The following LRRC69 variants were observed in gnomAD, a reference collection of about 807,000 sequenced individuals.
LRRC69 encodes the protein leucine rich repeat containing 69.
Under a neutral mutation model 37.8 loss-of-function variants are expected in LRRC69, and 42 were observed. The observed-to-expected ratio is 1.11, with a 90% confidence interval of 0.87 to 1.44. The LOEUF (loss-of-function observed/expected upper bound fraction) is 1.44. LRRC69 is among the 40% of genes most tolerant of loss of function. The pLI, the probability that LRRC69 is intolerant of heterozygous loss-of-function variation, is 0.00. For synonymous variants in LRRC69, 141 were observed against 143.1 expected (o/e 0.99, Z 0.11); for missense variants, 357 against 401.9 (o/e 0.89, Z 0.96).
chr8:91,147,802 A>G (rs1052939346), intron 5 of LRRC69, among the ~76,000 whole-genome samples: 1 of 151,632 alleles, frequency 6.6e-6, no homozygotes, highest in African/African-American at 2.4e-5. Context: ...GTACCTATCA[A>G]CCCATCACCT....
At chr8:91,165,181 C>A (rs1432385235) in intron 5 of LRRC69, among the ~76,000 whole-genome samples, 2 of 151,654 alleles carry the variant, frequency 1.3e-5, no homozygotes, top group Non-Finnish European at 2.9e-5. Flanking sequence ...TTCTCTGGCA[C>A]CATATCTTAG....
chr8:91,176,147 C>CTTTTTCT (rs1809225089), intron 5 of LRRC69, among the ~76,000 whole-genome samples: 1 of 70,444 alleles, frequency 1.4e-5, no homozygotes, highest in Admixed American at 1.5e-4. Context: ...TTTTTTTTTT[C>CTTTTTCT]TTTTTTTTGA....
At chr8:91,106,804 T>C (rs191539001) in intron 1 of LRRC69, among the ~76,000 whole-genome samples, 2 of 151,988 alleles carry the variant, frequency 1.3e-5, no homozygotes, top group African/African-American at 4.8e-5. Flanking sequence ...TATTTTTTTT[T>C]CTTTTAAGAG....
At chr8:91,124,447 G>T in intron 1 of LRRC69, 46 bp from the exon 2 acceptor site, 1 of 1,404,380 alleles carries the variant, frequency 7.1e-7, no homozygotes. Context: ...TTTTTCATTT[G>T]AAGTTGGATG....
At chr8:91,147,914 G>A (rs1442114089) in intron 5 of LRRC69, among the ~76,000 whole-genome samples, 1 of 151,588 alleles carries the variant, frequency 6.6e-6, no homozygotes, top group Non-Finnish European at 1.5e-5. Flanking sequence ...CTGTGTCCAT[G>A]TATTCTCATT....
exon 6 of LRRC69, chr8:91,189,553 G>A: frequency 3.9e-6 from 6 of 1,551,086 alleles, no homozygotes; most frequent in Non-Finnish European, 5.2e-6. Context: ...GAATTCTACT[G>A]TGAGGGAAAC....
intron 5 of LRRC69, among the ~76,000 whole-genome samples, chr8:91,176,134 A>ATATATATATATATATT: frequency 6.6e-5 from 5 of 75,702 alleles, no homozygotes; most frequent in African/African-American, 2.4e-4. Context: ...ATATATATAT[A>ATATATATATATATATT]TTTTTTTTTT....
chr8:91,130,850 TC>T (rs1252480393), intron 3 of LRRC69: 1 of 152,054 alleles, frequency 6.6e-6, no homozygotes, highest in Non-Finnish European at 1.5e-5. Context: ...AGGGTCTACT[TC>T]CTGGTTCTTA....
At chr8:91,112,624 A>C (rs1813427568) in intron 1 of LRRC69, among the ~76,000 whole-genome samples, 1 of 152,044 alleles carries the variant, frequency 6.6e-6, no homozygotes. Flanking sequence ...TCCCACAACT[A>C]ACATCATCAT....
At chr8:91,206,786 C>T (rs910911983) in intron 7 of LRRC69, 2 of 1,289,578 alleles carry the variant, frequency 1.6e-6, no homozygotes, top group African/African-American at 3.0e-5. Flanking sequence ...TGGAATACCT[C>T]AATTAATGTC....
At chr8:91,104,036 T>C (rs578040531) in intron 1 of LRRC69, among the ~76,000 whole-genome samples, 1 of 152,172 alleles carries the variant, frequency 6.6e-6, no homozygotes, top group South Asian at 2.1e-4. Flanking sequence ...CACTTTTAAC[T>C]CATCTATTTT....
At chr8:91,204,935 T>C (rs543031365) in intron 7 of LRRC69, among the ~76,000 whole-genome samples, 17 of 152,338 alleles carry the variant, frequency 1.1e-4, no homozygotes, top group African/African-American at 4.1e-4. Context: ...CTTGAATGAA[T>C]AATACAATGA....
At chr8:91,194,834 T>C (rs1809567434) in intron 6 of LRRC69, among the ~76,000 whole-genome samples, 6 of 151,524 alleles carry the variant, frequency 4.0e-5, no homozygotes, top group African/African-American at 1.2e-4. Context: ...TTTTTGTGTC[T>C]GTATTTCCTT....
intron 1 of LRRC69, among the ~76,000 whole-genome samples, chr8:91,116,665 GA>G (rs1813516080): frequency 6.6e-6 from 1 of 151,952 alleles, no homozygotes; most frequent in Admixed American, 6.6e-5. Context: ...ATAGGCCGTA[GA>G]ATGAACCTAG....
At chr8:91,119,702 ACCT>A (rs566496833) in intron 1 of LRRC69, among the ~76,000 whole-genome samples, 1 of 151,432 alleles carries the variant, frequency 6.6e-6, no homozygotes, top group Non-Finnish European at 1.5e-5. Context: ...TTTTCCTCAA[ACCT>A]CCTAATCTCC....
intron 5 of LRRC69, among the ~76,000 whole-genome samples, chr8:91,155,272 G>T (rs1808813178): frequency 6.6e-6 from 1 of 150,864 alleles, no homozygotes; most frequent in African/African-American, 2.4e-5. Flanking sequence ...GTATTTATTT[G>T]ATACTTATTC....
At chr8:91,145,053 G>A (rs1241071869) in intron 5 of LRRC69, among the ~76,000 whole-genome samples, 2 of 151,808 alleles carry the variant, frequency 1.3e-5, no homozygotes, top group African/African-American at 4.8e-5. Context: ...TTGAACACTT[G>A]GAGAATGTCT....
chr8:91,212,471 C>T (rs532025272), intron 7 of LRRC69, among the ~76,000 whole-genome samples: 1 of 152,168 alleles, frequency 6.6e-6, no homozygotes, highest in East Asian at 1.9e-4. Flanking sequence ...GCGTAGGTCT[C>T]CCTATAAATG....
intron 4 of LRRC69, 66 bp from the exon 5 acceptor site, chr8:91,135,602 T>C (rs945840029): frequency 9.2e-7 from 1 of 1,088,278 alleles, no homozygotes. Context: ...TAAAAAAATT[T>C]ATGATTTTCC....
Sources: allele counts gnomAD v4.1 joint callset (sites outside exome capture counted in the v4.1 genomes callset), GRCh38; gene constraint gnomAD v4.1.1; transcripts MANE v1.5; gene names NCBI Gene and HGNC (gene_info 2026-07-23, HGNC 2026-07-21).